The following LRP1B variants were observed in gnomAD, a reference collection of about 807,000 sequenced individuals.
The protein encoded by LRP1B is LDL receptor related protein 1B.
Under a neutral mutation model 556.6 loss-of-function variants are expected in LRP1B, and 217 were observed. The observed-to-expected ratio is 0.39, with a 90% confidence interval of 0.35 to 0.44. The LOEUF is 0.44. Ranked by LOEUF, LRP1B falls within the 20% of genes least tolerant of loss-of-function variation. The probability of loss-of-function intolerance (pLI) is 1.00; values close to 1 mark genes in which losing one functional copy is unlikely to be tolerated. For missense variants in LRP1B, 5,053 were observed against 5,620.8 expected (o/e 0.90, Z 3.23); for synonymous variants, 2,047 against 1,865.8 (o/e 1.10, Z -2.50).
chr2:141,714,270 G>A (rs932875820), intron 2 of LRP1B, among the ~76,000 whole-genome samples: 7 of 152,078 alleles, frequency 4.6e-5, no homozygotes, highest in African/African-American at 1.7e-4. Context: ...GTGAGAAACT[G>A]TTCTTAACAA....
chr2:141,389,311 T>A (rs116808347), intron 3 of LRP1B, among the ~76,000 whole-genome samples: 3,410 of 152,170 alleles, frequency 0.022, 123 homozygotes, highest in African/African-American at 0.076. Context: ...GAGTATAAAA[T>A]ATATATATCT....
At chr2:140,655,811 C>T (rs1235913757) in intron 41 of LRP1B, among the ~76,000 whole-genome samples, 3 of 148,822 alleles carry the variant, frequency 2.0e-5, no homozygotes, top group Non-Finnish European at 4.4e-5. Context: ...GGCATAGTGG[C>T]GGGCGCCTGT....
At chr2:142,054,468 C>A (rs566004663) in intron 1 of LRP1B, among the ~76,000 whole-genome samples, 29 of 152,084 alleles carry the variant, frequency 1.9e-4, no homozygotes, top group Non-Finnish European at 3.8e-4. Flanking sequence ...CTGACTCTTT[C>A]ATCTTCATAT....
intron 35 of LRP1B, among the ~76,000 whole-genome samples, chr2:140,765,162 C>A (rs182861060): frequency 9.3e-4 from 141 of 152,082 alleles, no homozygotes; most frequent in Admixed American, 1.5e-3. Flanking sequence ...GCAACTTAGA[C>A]GTGAAGTTCT....
At chr2:140,789,260 CT>C (rs1325398994) in intron 32 of LRP1B, among the ~76,000 whole-genome samples, 1 of 152,016 alleles carries the variant, frequency 6.6e-6, no homozygotes, top group Non-Finnish European at 1.5e-5. Context: ...TGAATATTAC[CT>C]TAACAATACA....
At position 140,583,166 on chromosome 2, in the gene LRP1B, T is replaced by TTTTTCTTTTC. The variant is rs1387664314; in HGVS notation, c.7194+15464_7194+15465insGAAAAGAAAA. 5.3e-4 allele frequency among the ~76,000 whole-genome samples: 32 copies of TTTTTCTTTTC among 60,608 alleles called. 1 individual carries two copies. The highest frequency in any genetic ancestry group is 1.5e-3 in the African/African-American group (25 of 17,096). 39.8% of individuals were successfully genotyped at this position (60,608 alleles called of 152,430 possible). A position where few individuals can be genotyped will look rare whatever the true frequency, so the allele number is the denominator to read the frequency against. ...AGTTTCTATTGACAGTTTCTCCTTT[T>TTTTTCTTTTC]TTTTCTTTTTTTTTTTTTTTTTTTT... On this transcript the variant is annotated intron_variant, in intron 43 of 90. Coordinates refer to ENST00000389484, the MANE Select transcript of LRP1B (RefSeq NM_018557.3).
chr2:141,067,011 G>T (rs75311791), intron 7 of LRP1B, among the ~76,000 whole-genome samples: 9 of 151,770 alleles, frequency 5.9e-5, no homozygotes, highest in Non-Finnish European at 1.3e-4. Context: ...AAAATGATAC[G>T]TATTTTCCTC....
intron 66 of LRP1B, among the ~76,000 whole-genome samples, chr2:140,399,472 T>C (rs1684400428): frequency 6.6e-6 from 1 of 152,158 alleles, no homozygotes; most frequent in Non-Finnish European, 1.5e-5. Context: ...TTTTCTTATA[T>C]TTTCCTCCCT....
At chr2:141,772,130 A>G (rs1430944795) in intron 2 of LRP1B, among the ~76,000 whole-genome samples, 1 of 152,046 alleles carries the variant, frequency 6.6e-6, no homozygotes, top group Non-Finnish European at 1.5e-5. Flanking sequence ...CTACCATGTG[A>G]GGATACAATG....
chr2:140,675,725 T>G (rs1685647865), intron 41 of LRP1B, among the ~76,000 whole-genome samples: 1 of 152,152 alleles, frequency 6.6e-6, no homozygotes, highest in Non-Finnish European at 1.5e-5. Flanking sequence ...TGCAGTGCAC[T>G]ATGATTGCAC....
intron 1 of LRP1B, among the ~76,000 whole-genome samples, chr2:141,926,535 C>T (rs1700337073): frequency 6.6e-6 from 1 of 152,052 alleles, no homozygotes; most frequent in South Asian, 2.1e-4. Flanking sequence ...TAACTGTCAC[C>T]ACTTCCAACC....
At chr2:141,907,149 C>T (rs1229446548) in intron 1 of LRP1B, among the ~76,000 whole-genome samples, 1 of 151,938 alleles carries the variant, frequency 6.6e-6, no homozygotes, top group Non-Finnish European at 1.5e-5. Flanking sequence ...TGTGTATCTG[C>T]TCTACTTATA....
chr2:141,523,410 C>A (rs2105177843), intron 2 of LRP1B, among the ~76,000 whole-genome samples: 1 of 152,208 alleles, frequency 6.6e-6, no homozygotes, highest in South Asian at 2.1e-4. Context: ...ACCCCAGTTT[C>A]TTTGTCTACA....
intron 84 of LRP1B, among the ~76,000 whole-genome samples, chr2:140,278,323 GTTTAC>G (rs1010961910): frequency 2.6e-5 from 4 of 151,960 alleles, no homozygotes; most frequent in East Asian, 3.9e-4. Flanking sequence ...TAATTGAACT[GTTTAC>G]TTGTGATTTT....
At chr2:140,658,042 C>A (rs566468548) in intron 41 of LRP1B, among the ~76,000 whole-genome samples, 17 of 152,186 alleles carry the variant, frequency 1.1e-4, no homozygotes, top group African/African-American at 3.8e-4. Flanking sequence ...GAAGTAACAT[C>A]ACACATTCAT....
At chr2:141,530,956 AT>A (rs200784132) in intron 2 of LRP1B, among the ~76,000 whole-genome samples, 159 of 146,176 alleles carry the variant, frequency 1.1e-3, no homozygotes, top group Middle Eastern at 7.2e-3. Context: ...AGATGTTTGG[AT>A]TTTTTTTTTT....
At position 140,444,415 on chromosome 2, in the gene LRP1B, A is replaced by G. The variant is rs145064552; in HGVS notation, c.10209T>C (p.Cys3403=). 6.2e-7 allele frequency: 1 copy of G among 1,613,984 alleles called. No homozygotes were observed. The highest frequency in any genetic ancestry group is 8.5e-7 in the Non-Finnish European group (1 of 1,179,898). The change falls in exon 65 of 91, where the codon TGT becomes TGC. Residue 3403 remains cysteine, a synonymous_variant. Coordinates refer to ENST00000389484, the MANE Select transcript of LRP1B (RefSeq NM_018557.3). ...THVCLSGQFK[C]TKNQKCIPVN... ...CTGGGATACATTTCTGGTTCTTGGT[A>G]CATTTGAATTGACCTGACAGGCAGA...
chr2:141,269,489 A>G (rs1685008371), intron 3 of LRP1B, among the ~76,000 whole-genome samples: 2 of 152,176 alleles, frequency 1.3e-5, no homozygotes, highest in South Asian at 4.1e-4. Flanking sequence ...AGATCAGATA[A>G]ACAGATAGTC....
intron 1 of LRP1B, among the ~76,000 whole-genome samples, chr2:142,032,474 C>T (rs888580822): frequency 6.6e-6 from 1 of 151,796 alleles, no homozygotes; most frequent in African/African-American, 2.4e-5. Context: ...ATACTTGCTG[C>T]TTCCTCTTTC....
Sources: gnomAD v4.1 joint callset for allele counts (sites outside exome capture counted in the v4.1 genomes callset) on GRCh38, gnomAD v4.1.1 for gene constraint, MANE v1.5 for transcripts, NCBI Gene and HGNC (gene_info 2026-07-23, HGNC 2026-07-21) for gene names.